The following ZMAT4 variants were observed in gnomAD, a reference collection of about 807,000 sequenced individuals.
The protein encoded by ZMAT4 is zinc finger matrin-type protein 4.
ZMAT4 carries 17 observed loss-of-function variants against 28.7 expected under a neutral mutation model. The observed-to-expected ratio is 0.59, with a 90% confidence interval of 0.41 to 0.89. The LOEUF is 0.89. Among genes scored for constraint, ZMAT4 ranks in the 40% least tolerant of loss-of-function variants. The pLI is 0.00. For missense variants in ZMAT4, 240 were observed against 283.8 expected (o/e 0.85, Z 1.11); for synonymous variants, 117 against 109.2 (o/e 1.07, Z -0.44).
intron 5 of ZMAT4, among the ~76,000 whole-genome samples, chr8:40,673,726 A>C (rs1343862440): frequency 6.6e-6 from 1 of 152,226 alleles, no homozygotes; most frequent in Admixed American, 6.5e-5. Context: ...AAAATATTCT[A>C]TTTAGTCCCA....
chr8:40,591,933 A>T (rs564475462), intron 5 of ZMAT4, among the ~76,000 whole-genome samples: 2 of 152,070 alleles, frequency 1.3e-5, no homozygotes, highest in African/African-American at 4.8e-5. Flanking sequence ...TTTATTTCCT[A>T]TTTCAAAATT....
In ZMAT4 at chr8:40,690,240, G is replaced by A. The variant is rs527638832; in HGVS notation, c.349+7005C>T. ...TGACACCAGGGAAGCATTACTGCAAGAGAAGTGTCTTTGCTGTCAGCCACT... is the reference window on the plus strand; with the variant it reads ...TGACACCAGGGAAGCATTACTGCAAAAGAAGTGTCTTTGCTGTCAGCCACT... On this transcript the variant is annotated intron_variant, in intron 4 of 6. Transcript: ENST00000297737. Among the ~76,000 whole-genome samples, 18 of 152,296 alleles carry A rather than the reference G, an allele frequency of 1.2e-4. No individual in the cohort carries two copies. The South Asian group carries it at 3.3e-3, about 28-fold the overall frequency.
intron 5 of ZMAT4, among the ~76,000 whole-genome samples, chr8:40,600,003 C>T (rs941532231): frequency 2.6e-5 from 4 of 152,208 alleles, no homozygotes; most frequent in South Asian, 2.1e-4. Flanking sequence ...TCATGTGTTG[C>T]CATGCTTGCA....
At position 40,624,328 on chromosome 8, in the gene ZMAT4, G is replaced by T. The variant is rs192031184; in HGVS notation, c.578-43067C>A. Among the ~76,000 whole-genome samples, 79 of 152,306 alleles carry T rather than the reference G, an allele frequency of 5.2e-4. 1 individual carries two copies. The highest frequency in any genetic ancestry group is 1.7e-3 in the African/African-American group (72 of 41,570). On this transcript the variant is annotated intron_variant, in intron 5 of 6. Transcript: ENST00000297737. ...TGTGAGGGTCAGCGAGAGGGCAGTGGTCTGCAACTAGGATGAGAACTCTCA... is the reference window on the plus strand; with the variant it reads ...TGTGAGGGTCAGCGAGAGGGCAGTGTTCTGCAACTAGGATGAGAACTCTCA...
chr8:40,862,610 G>C (rs1170149108), intron 1 of ZMAT4, among the ~76,000 whole-genome samples: 3 of 141,998 alleles, frequency 2.1e-5, no homozygotes, highest in African/African-American at 7.8e-5. Flanking sequence ...AGAAAATTTG[G>C]CACATATACA....
chr8:40,627,796 C>T (rs1806428507), intron 5 of ZMAT4, among the ~76,000 whole-genome samples: 1 of 151,964 alleles, frequency 6.6e-6, no homozygotes, highest in African/African-American at 2.4e-5. Context: ...ATTAATAAGG[C>T]TTTCCAACTG....
chr8:40,891,824 T>A (rs1325168829), intron 1 of ZMAT4, among the ~76,000 whole-genome samples: 1 of 152,210 alleles, frequency 6.6e-6, no homozygotes, highest in Non-Finnish European at 1.5e-5. Flanking sequence ...GCTGTCCTCT[T>A]GATGCCTAGC....
chr8:40,614,133 C>A (rs1229601741), intron 5 of ZMAT4, among the ~76,000 whole-genome samples: 1 of 152,116 alleles, frequency 6.6e-6, no homozygotes, highest in Non-Finnish European at 1.5e-5. Context: ...TCTTTGAACC[C>A]CCTATGTTTT....
chr8:40,572,731 C>T (rs140946002), intron 6 of ZMAT4, among the ~76,000 whole-genome samples: 4 of 152,248 alleles, frequency 2.6e-5, no homozygotes, highest in Admixed American at 6.5e-5. Context: ...ATTTGCATTT[C>T]CAAACCTTTA....
chr8:40,559,149 T>C (rs1025700110), intron 6 of ZMAT4, among the ~76,000 whole-genome samples: 1 of 152,164 alleles, frequency 6.6e-6, no homozygotes, highest in Non-Finnish European at 1.5e-5. Context: ...GTCCTCCTGT[T>C]CTACAACCAT....
intron 3 of ZMAT4, among the ~76,000 whole-genome samples, chr8:40,758,302 G>T (rs7461240): frequency 0.091 from 13,857 of 152,112 alleles, 814 homozygotes; most frequent in Middle Eastern, 0.17. Context: ...TTGTCATGAA[G>T]CCAGTCCCTC....
At chr8:40,771,138 C>A (rs866508056) in intron 2 of ZMAT4, among the ~76,000 whole-genome samples, 17 of 151,160 alleles carry the variant, frequency 1.1e-4, no homozygotes, top group South Asian at 4.2e-4. Flanking sequence ...GGGAGAATTG[C>A]GGGGGGGAAG....
Position 40,721,698 on chromosome 8 carries a change from G to A in ZMAT4, c.193-24297C>T, listed in dbSNP as rs199770285. ...AACTGGTGTGAGATGGTATCTCATAGTGGTTTTGATTTGCATTTCCCTGAT... is the reference window on the plus strand; with the variant it reads ...AACTGGTGTGAGATGGTATCTCATAATGGTTTTGATTTGCATTTCCCTGAT... On this transcript the variant is annotated intron_variant, in intron 3 of 6. Coordinates refer to ENST00000297737, the MANE Select transcript of ZMAT4 (RefSeq NM_024645.3). Among the ~76,000 whole-genome samples, 778 of 151,958 alleles carry A rather than the reference G, an allele frequency of 5.1e-3. 10 individuals are homozygous for A. Among genetic ancestry groups the A allele is most frequent in the East Asian group, 0.045 (233 of 5,134 alleles).
intron 2 of ZMAT4, among the ~76,000 whole-genome samples, chr8:40,819,992 C>G (rs1021880571): frequency 6.6e-6 from 1 of 151,880 alleles, no homozygotes; most frequent in Admixed American, 6.6e-5. Context: ...TAAGTGAAAC[C>G]AGGTCTAGAA....
At chr8:40,652,292 C>G (rs1807704367) in intron 5 of ZMAT4, among the ~76,000 whole-genome samples, 1 of 111,344 alleles carries the variant, frequency 9.0e-6, no homozygotes, top group African/African-American at 3.2e-5. Flanking sequence ...AGACAATTCT[C>G]AAAAGAAGAC....
At chr8:40,778,408 G>A (rs1813693278) in intron 2 of ZMAT4, among the ~76,000 whole-genome samples, 1 of 152,164 alleles carries the variant, frequency 6.6e-6, no homozygotes, top group African/African-American at 2.4e-5. Context: ...CTACACTAAT[G>A]TTGCCCTCCC....
intron 2 of ZMAT4, among the ~76,000 whole-genome samples, chr8:40,800,308 C>T (rs139602743): frequency 1.7e-4 from 26 of 152,094 alleles, no homozygotes; most frequent in African/African-American, 6.3e-4. Context: ...GGCACTTCAC[C>T]ACATCTCTAT....
At chr8:40,688,971 C>T (rs1458808853) in intron 4 of ZMAT4, among the ~76,000 whole-genome samples, 1 of 152,036 alleles carries the variant, frequency 6.6e-6, no homozygotes, top group Non-Finnish European at 1.5e-5. Flanking sequence ...AGGAGTATGC[C>T]TGGTGTCAAG....
chr8:40,690,154 G>A (rs1809598705), intron 4 of ZMAT4, among the ~76,000 whole-genome samples: 1 of 152,150 alleles, frequency 6.6e-6, no homozygotes, highest in Admixed American at 6.5e-5. Flanking sequence ...ATTGCTAATG[G>A]ATTTAAATCC....
Sources: gnomAD v4.1 joint callset for allele counts (sites outside exome capture counted in the v4.1 genomes callset) on GRCh38, gnomAD v4.1.1 for gene constraint, MANE v1.5 for transcripts, NCBI Gene and HGNC (gene_info 2026-07-23, HGNC 2026-07-21) for gene names.